The following TRPM1 variants were observed in gnomAD, a reference collection of about 807,000 sequenced individuals.
TRPM1 encodes the protein TRPM1-203 APA Isoform, Intron 10.
In TRPM1, 113 loss-of-function variants were observed where a neutral mutation model predicts 149.4. The ratio of observed to expected loss-of-function variants is 0.76; its 90% CI spans 0.65 to 0.88. The LOEUF (loss-of-function observed/expected upper bound fraction) is 0.88. Among genes scored for constraint, TRPM1 ranks in the 40% least tolerant of loss-of-function variants. The pLI is 0.00. For synonymous variants in TRPM1, 741 were observed against 759.5 expected (o/e 0.98, Z 0.40); for missense variants, 1,976 against 2,038.7 (o/e 0.97, Z 0.59).
chr15:31,060,055 A>G (rs944070231), intron 11 of TRPM1, among the ~76,000 whole-genome samples: 9 of 151,906 alleles, frequency 5.9e-5, no homozygotes, highest in Non-Finnish European at 1.2e-4. Flanking sequence ...ACTCACCTAC[A>G]CAAAATCATA....
rs1333346849 is a variant in TRPM1, at chr15:31,002,432, G to A, written c.4268C>T (p.Thr1423Ile). ...GCCTTCTATATTTGTCGTTTCCACTGTTAGCTGAGTGTTTTGAACATCTGA... is the reference window on the plus strand; with the variant it reads ...GCCTTCTATATTTGTCGTTTCCACTATTAGCTGAGTGTTTTGAACATCTGA... ...DKSDVQNTQLTVETTNIEGTI... is the reference protein window; with the variant it reads ...DKSDVQNTQLIVETTNIEGTI... The change falls in exon 28 of 28, where the codon ACA becomes ATA. Residue 1423 changes from threonine to isoleucine, a missense_variant. Transcript: ENST00000256552. 1 of 1,614,232 alleles carries A rather than the reference G, an allele frequency of 6.2e-7. No homozygotes were observed. Among genetic ancestry groups the A allele is most frequent in the Non-Finnish European group, 8.5e-7 (1 of 1,180,030 alleles).
intron 24 of TRPM1, 108 bp downstream of exon 24, chr15:31,029,263 C>A: frequency 8.3e-7 from 1 of 1,209,796 alleles, no homozygotes; most frequent in Non-Finnish European, 1.2e-6. Flanking sequence ...CACCAAAAAA[C>A]AAGAGAAGTA....
intron 22 of TRPM1, among the ~76,000 whole-genome samples, chr15:31,031,978 CAT>C (rs1481949074): frequency 1.3e-5 from 2 of 148,674 alleles, no homozygotes; most frequent in Non-Finnish European, 3.0e-5. Flanking sequence ...GCTTCTACCA[CAT>C]GTTAGGAGGT....
At chr15:31,088,319 C>G (rs1007841348) in intron 1 of TRPM1, among the ~76,000 whole-genome samples, 11 of 152,230 alleles carry the variant, frequency 7.2e-5, no homozygotes, top group African/African-American at 2.7e-4. Flanking sequence ...CCCTGGCAAT[C>G]CGCTCGGGTC....
Position 31,040,010 on chromosome 15 carries a change from T to G in TRPM1, c.2316+108A>C. 1.1e-6 allele frequency: 1 copy of G among 952,372 alleles called. No homozygotes were observed. Among genetic ancestry groups the G allele is most frequent in the Non-Finnish European group, 1.7e-6 (1 of 602,658 alleles). 59.0% of individuals were successfully genotyped at this position (952,372 alleles called of 1,614,324 possible). ...TTGTCATGGCGTCTCCCTCAGGGGGTTGCTAGAAGGAATAAATGAAATAAG... is the reference window on the plus strand; with the variant it reads ...TTGTCATGGCGTCTCCCTCAGGGGGGTGCTAGAAGGAATAAATGAAATAAG... On this transcript the variant is annotated intron_variant, in intron 18 of 27. Transcript: ENST00000256552. This position sits in a 1 kb window ranked among gnomAD's most constrained non-coding sequence, Gnocchi z 4.2.
intron 1 of TRPM1, among the ~76,000 whole-genome samples, chr15:31,142,735 T>G (rs61068131): frequency 6.6e-6 from 1 of 152,124 alleles, no homozygotes; most frequent in African/African-American, 2.4e-5. Context: ...CAAACTAACT[T>G]TTGGACACTC....
intron 21 of TRPM1, among the ~76,000 whole-genome samples, chr15:31,034,193 A>G (rs1207633481): frequency 6.6e-6 from 1 of 152,234 alleles, no homozygotes; most frequent in East Asian, 1.9e-4. Flanking sequence ...AAAGGGAAGT[A>G]TCCGGCCTAT....
chr15:31,114,127 C>A (rs937049658), intron 1 of TRPM1, among the ~76,000 whole-genome samples: 1 of 152,198 alleles, frequency 6.6e-6, no homozygotes, highest in Non-Finnish European at 1.5e-5. Flanking sequence ...GGCTTCACCT[C>A]TCACTAGTAC....
chr15:31,089,066 C>T (rs971769612), intron 1 of TRPM1, among the ~76,000 whole-genome samples: 12 of 152,290 alleles, frequency 7.9e-5, no homozygotes, highest in Middle Eastern at 6.8e-3. Context: ...GGATAAGTAA[C>T]ATTTAATGCC....
At chr15:31,012,613 T>C (rs978774695) in intron 27 of TRPM1, among the ~76,000 whole-genome samples, 2 of 152,248 alleles carry the variant, frequency 1.3e-5, no homozygotes, top group Non-Finnish European at 2.9e-5. Flanking sequence ...TTTATCCTAC[T>C]TGGAGTTCAT....
chr15:31,085,895 G>A (rs1270728276), intron 1 of TRPM1, among the ~76,000 whole-genome samples: 1 of 152,146 alleles, frequency 6.6e-6, no homozygotes, highest in Non-Finnish European at 1.5e-5. Context: ...AAGATACCCT[G>A]GACCCGCAGC....
Position 31,161,022 on chromosome 15 carries a change from G to A in TRPM1, c.-63C>T, listed in dbSNP as rs1480586312. On this transcript the variant is annotated 5_prime_UTR_variant, in exon 1 of 27. Coordinates refer to the TRPM1 transcript ENST00000542188. ...CTCGGGTGGCCAGGCCAGTGGCACA[G>A]GGGCTGCCCTCCCTGGGTGGGCAGG... is the stretch of plus-strand genomic sequence containing the variant. 9.4e-6 allele frequency: 14 copies of A among 1,490,858 alleles called. No homozygotes were observed. In the Admixed American group the frequency reaches 2.6e-4, roughly 27 times the overall value. The allele number at this position is 1,490,858 out of a possible 1,614,324, so 92.4% of individuals were successfully genotyped here. A position where few individuals can be genotyped will look rare whatever the true frequency, so the allele number is the denominator to read the frequency against.
chr15:31,060,437 A>G, intron 11 of TRPM1, 107 bp downstream of exon 11: 1 of 926,194 alleles, frequency 1.1e-6, no homozygotes, highest in Admixed American at 2.0e-5. Flanking sequence ...ATATCATCAG[A>G]AACCCCACAT....
intron 10 of TRPM1, among the ~76,000 whole-genome samples, chr15:31,061,136 T>C (rs2034220822): frequency 6.6e-6 from 1 of 152,226 alleles, no homozygotes; most frequent in African/African-American, 2.4e-5. Flanking sequence ...CACTGCGGAA[T>C]GCAGTGATTG....
intron 1 of TRPM1, among the ~76,000 whole-genome samples, chr15:31,137,910 C>A (rs770323805): frequency 1.3e-5 from 2 of 152,110 alleles, no homozygotes; most frequent in African/African-American, 4.8e-5. Flanking sequence ...AAAAAACCTA[C>A]GGAAGTTTTC....
Position 31,035,702 on chromosome 15 carries a change from G to A in TRPM1, c.2572-28C>T, listed in dbSNP as rs529482571. 1.3e-5 allele frequency: 21 copies of A among 1,614,148 alleles called. No homozygotes were observed. The Admixed American group carries it at 2.8e-4, about 22-fold the overall frequency. On this transcript the variant is annotated intron_variant, in intron 20 of 27. Transcript: ENST00000256552. The stretch of plus-strand genomic sequence containing the variant: ...GAAAGAAAGACAAGCTGTTAGCCGT[G>A]TTTGGGGGAATCACATAGCAATCAA...
rs2033889446 is a variant in TRPM1 at position 31,049,638 on chromosome 15, T to C, written c.1438-129A>G. 3 of 1,066,240 alleles carry C rather than the reference T, an allele frequency of 2.8e-6. No individual in the cohort carries two copies. The East Asian group carries it at 7.2e-5, about 26-fold the overall frequency. The allele number at this position is 1,066,240 out of a possible 1,614,324, so 66.0% of individuals were successfully genotyped here. A position where few individuals can be genotyped will look rare whatever the true frequency, so the allele number is the denominator to read the frequency against. Reference sequence around the variant, plus strand: ...CAGAGCACTCCAGCATGGTACTCTTTGCTCTTTATCTTGGGTAAACACTCC... The same window carrying C: ...CAGAGCACTCCAGCATGGTACTCTTCGCTCTTTATCTTGGGTAAACACTCC... On this transcript the variant is annotated intron_variant, in intron 12 of 27. Coordinates refer to ENST00000256552, the MANE Select transcript of TRPM1 (RefSeq NM_001252024.2).
chr15:31,026,253 T>C lies in TRPM1; in HGVS notation c.3515A>G (p.Glu1172Gly). The C allele has an allele frequency of 1.2e-6, 2 of 1,611,534 alleles. No homozygotes were observed. Among genetic ancestry groups the C allele is most frequent in the Non-Finnish European group, 1.7e-6 (2 of 1,180,020 alleles). ...GAACTCATGCAGCCTCTTTAGCTCC[T>C]CGTCGCTAAGGAAGAGCTCTGTGTG... Reference protein sequence around the residue: ...DRGLKLFLSDEELKRLHEFEE... With the variant: ...DRGLKLFLSDGELKRLHEFEE... Residue 1172 changes from glutamate to glycine, a missense_variant, in exon 27 of 28, where the codon GAG becomes GGG. Physicochemically the swap from Glu to Gly is moderately conservative, Grantham distance 98 (BLOSUM62 -2). This residue lies in a region of TRPM1 where 572 missense variants were observed against 578.9 expected (regional missense o/e 0.99). Transcript: ENST00000256552.
At chr15:31,035,863 A>AT in intron 20 of TRPM1, 189 bp from the exon 21 acceptor site, 4 of 750,256 alleles carry the variant, frequency 5.3e-6, no homozygotes, top group Non-Finnish European at 9.0e-6. Context: ...GACGGGAGGC[A>AT]TTTTATACTT....
Sources: allele counts gnomAD v4.1 joint callset (sites outside exome capture counted in the v4.1 genomes callset), GRCh38; gene constraint gnomAD v4.1.1; regional missense constraint gnomAD v4.1.1; non-coding constraint Gnocchi (gnomAD v3.1); transcripts MANE v1.5; gene names NCBI Gene and HGNC (gene_info 2026-07-23, HGNC 2026-07-21).